The following KANSL1 variants were observed in gnomAD, a reference collection of about 807,000 sequenced individuals.
KANSL1 encodes MLL1/MLL complex subunit KANSL1.
A neutral mutation model predicts 103.6 loss-of-function variants in KANSL1; 22 were observed. The observed-to-expected ratio is 0.21, with a 90% CI of 0.15 to 0.30. The LOEUF (loss-of-function observed/expected upper bound fraction) is 0.30, where lower values mean the gene tolerates loss of function less well. KANSL1 is among the 10% of genes least tolerant of loss of function. The probability of loss-of-function intolerance (pLI) is 1.00; values close to 1 mark genes in which losing one functional copy is unlikely to be tolerated. For synonymous variants in KANSL1, 600 were observed against 527.6 expected (o/e 1.14, Z -1.88); for missense variants, 1,337 against 1,399.8 (o/e 0.96, Z 0.72).
At chr17:46,109,418 AAGAT>A (rs1299257143) in intron 2 of KANSL1, among the ~76,000 whole-genome samples, 1 of 152,244 alleles carries the variant, frequency 6.6e-6, no homozygotes, top group East Asian at 1.9e-4. Flanking sequence ...TGATACGTGT[AAGAT>A]AGTTAAGTTT....
Position 46,171,354 on chromosome 17 carries a change from C to T in KANSL1, c.790G>A (p.Glu264Lys). The change falls in exon 2 of 15, where the codon GAG becomes AAG. Residue 264 changes from glutamate to lysine, a missense_variant. By Grantham distance (56) the Glu-to-Lys change is moderately conservative (BLOSUM62 1). This residue lies in a region of KANSL1 where 557 missense variants were observed against 476.4 expected (regional missense o/e 1.17). Transcript: ENST00000432791. ...SSSNLGGVKL[E>K]GKKSPLSSIL... ...GAAGACAGGGGAGACTTTTTACCCT[C>T]CAATTTGACACCCCCCAAGTTAGAG... The T allele has an allele frequency of 6.2e-7, 1 of 1,614,140 alleles. No individual in the cohort carries two copies. Among genetic ancestry groups the T allele is most frequent in the Non-Finnish European group, 8.5e-7 (1 of 1,180,040 alleles).
chr17:46,081,709 C>T (rs974147990), intron 4 of KANSL1, among the ~76,000 whole-genome samples: 3 of 152,208 alleles, frequency 2.0e-5, no homozygotes, highest in Admixed American at 1.3e-4. Context: ...GCTTGCTTAA[C>T]TCACCATTTA....
At chr17:46,174,809 G>T (rs946699093) in intron 1 of KANSL1, among the ~76,000 whole-genome samples, 1 of 152,198 alleles carries the variant, frequency 6.6e-6, no homozygotes, top group Admixed American at 6.5e-5. Context: ...TAGTAGCTGG[G>T]ACTATAGGTG....
chr17:46,190,252 G>A (rs1418845298), intron 1 of KANSL1, among the ~76,000 whole-genome samples: 1 of 152,196 alleles, frequency 6.6e-6, no homozygotes, highest in Non-Finnish European at 1.5e-5. Context: ...CTTGATATGA[G>A]TTCACAAGTG....
chr17:46,082,423 T>C lies in KANSL1; in HGVS notation c.1533+18A>G. On this transcript the variant is annotated intron_variant, in intron 4 of 14. Transcript: ENST00000432791. ...CTTAATTCTCACGCATTTCCCCCTT[T>C]CTATCTTTTATACTTACCAATTTAT... The C allele has an allele frequency of 6.6e-7, 1 of 1,521,234 alleles. No individual in the cohort carries two copies. Among genetic ancestry groups the C allele is most frequent in the South Asian group, 1.1e-5 (1 of 88,268 alleles). 94.2% of individuals were successfully genotyped at this position (1,521,234 alleles called of 1,614,324 possible).
chr17:46,033,265 T>A lies in KANSL1; in HGVS notation c.2725-73A>T, dbSNP rs1423896261. ...GAACCAGTCCCACCCCATTCTAGGT[T>A]CTTCCCGGTCACGACAGGAATACAA... On this transcript the variant is annotated intron_variant, in intron 12 of 14. Transcript: ENST00000432791. 4 of 1,444,994 alleles carry A rather than the reference T, an allele frequency of 2.8e-6. No homozygotes were observed. In the Middle Eastern group the frequency reaches 5.3e-4, roughly 190 times the overall value. 89.5% of individuals were successfully genotyped at this position (1,444,994 alleles called of 1,614,324 possible).
chr17:46,204,726 A>G (rs574979493), intron 1 of KANSL1, among the ~76,000 whole-genome samples: 14 of 152,366 alleles, frequency 9.2e-5, no homozygotes, highest in African/African-American at 3.4e-4. Context: ...ATCCAGCAAC[A>G]TATTAAAAGG....
intron 14 of KANSL1, 103 bp downstream of exon 14, chr17:46,031,944 C>A: frequency 6.5e-7 from 1 of 1,534,130 alleles, no homozygotes; most frequent in Non-Finnish European, 8.9e-7. Context: ...TTTGTCCCTT[C>A]AAAAGGGGGA....
intron 1 of KANSL1, among the ~76,000 whole-genome samples, chr17:46,182,324 T>G (rs2240756): frequency 0.15 from 23,501 of 151,796 alleles, 2,661 homozygotes; most frequent in East Asian, 0.42. Context: ...AGGTGGTATA[T>G]GTACAGCTTC....
At chr17:46,186,737 T>TC (rs1267258166) in intron 1 of KANSL1, among the ~76,000 whole-genome samples, 1 of 152,228 alleles carries the variant, frequency 6.6e-6, no homozygotes, top group Non-Finnish European at 1.5e-5. Context: ...ATTTCTTTTT[T>TC]CTTTTTTTTG....
chr17:46,183,628 G>A (rs560300106), intron 1 of KANSL1, among the ~76,000 whole-genome samples: 2 of 151,548 alleles, frequency 1.3e-5, no homozygotes, highest in East Asian at 2.0e-4. Flanking sequence ...AAGAAAAGGA[G>A]GGAAAGAAGG....
chr17:46,151,998 T>C (rs2532303), intron 2 of KANSL1, among the ~76,000 whole-genome samples: 18,668 of 150,196 alleles, frequency 0.12, 21 homozygotes, highest in Middle Eastern at 0.19. Flanking sequence ...TTTTCTCATC[T>C]GTGGTACAAC....
chr17:46,213,798 G>A (rs2048251359), intron 1 of KANSL1, among the ~76,000 whole-genome samples: 1 of 151,862 alleles, frequency 6.6e-6, no homozygotes, highest in South Asian at 2.1e-4. Context: ...CGTGCCTGTA[G>A]TCCGAGATAC....
intron 1 of KANSL1, among the ~76,000 whole-genome samples, chr17:46,218,205 G>A (rs1403220217): frequency 6.6e-6 from 1 of 152,196 alleles, no homozygotes; most frequent in Admixed American, 6.5e-5. Flanking sequence ...TGTTATTTAA[G>A]CCACTCAGCA....
At chr17:46,138,531 G>A (rs1469297811) in intron 2 of KANSL1, among the ~76,000 whole-genome samples, 3 of 152,140 alleles carry the variant, frequency 2.0e-5, no homozygotes, top group Admixed American at 6.5e-5. Context: ...TGGTATCCAC[G>A]GAAGTTCGTG....
At chr17:46,087,263 G>C (rs994987541) in intron 3 of KANSL1, among the ~76,000 whole-genome samples, 1 of 152,298 alleles carries the variant, frequency 6.6e-6, no homozygotes, top group Non-Finnish European at 1.5e-5. Flanking sequence ...GTGCTCAAGT[G>C]TTACACTGAA....
chr17:46,164,949 T>C (rs965808735), intron 2 of KANSL1, among the ~76,000 whole-genome samples: 5 of 151,940 alleles, frequency 3.3e-5, no homozygotes, highest in Admixed American at 2.6e-4. Flanking sequence ...TGATAAAGAG[T>C]AGAAAAATGA....
chr17:46,144,117 G>A (rs2044572156), intron 2 of KANSL1, among the ~76,000 whole-genome samples: 1 of 152,130 alleles, frequency 6.6e-6, no homozygotes, highest in Non-Finnish European at 1.5e-5. Context: ...ATTATAATTA[G>A]GTCAAGGAAA....
intron 2 of KANSL1, among the ~76,000 whole-genome samples, chr17:46,113,021 G>A (rs1286282725): frequency 3.3e-5 from 5 of 152,030 alleles, no homozygotes; most frequent in African/African-American, 7.2e-5. Context: ...AGGCCCGGCC[G>A]GGACAGATAA....
Sources: gnomAD v4.1 joint callset for allele counts (sites outside exome capture counted in the v4.1 genomes callset) on GRCh38, gnomAD v4.1.1 for gene constraint, gnomAD v4.1.1 regional missense constraint, MANE v1.5 for transcripts, NCBI Gene and HGNC (gene_info 2026-07-23, HGNC 2026-07-21) for gene names.